KIAA1217: variants seen among roughly 807,000 people sequenced by gnomAD.
KIAA1217 encodes the protein sickle tail protein homolog.
In KIAA1217, 88 loss-of-function variants were observed where a neutral mutation model predicts 163.9. The observed-to-expected ratio is 0.54, with a 90% CI of 0.45 to 0.64. The LOEUF is 0.64. KIAA1217 is among the 30% of genes least tolerant of loss of function. The pLI is 0.00. For synonymous variants in KIAA1217, 903 were observed against 923.1 expected (o/e 0.98, Z 0.39); for missense variants, 2,372 against 2,475.0 (o/e 0.96, Z 0.88).
intron 2 of KIAA1217, among the ~76,000 whole-genome samples, chr10:24,157,316 C>T (rs1297984991): frequency 3.9e-5 from 6 of 152,018 alleles, no homozygotes; most frequent in Non-Finnish European, 8.8e-5. Flanking sequence ...CATAGAAATC[C>T]CTTGCATACT....
At chr10:24,152,476 CA>C (rs774232343) in intron 2 of KIAA1217, among the ~76,000 whole-genome samples, 12 of 152,114 alleles carry the variant, frequency 7.9e-5, no homozygotes, top group Non-Finnish European at 1.3e-4. Context: ...TAATGAATTA[CA>C]AAATATTCTT....
At chr10:24,111,573 A>C (rs943271739) in intron 2 of KIAA1217, among the ~76,000 whole-genome samples, 3 of 152,236 alleles carry the variant, frequency 2.0e-5, no homozygotes, top group African/African-American at 7.2e-5. Flanking sequence ...TGAAATATAA[A>C]AAGTCCTCAC....
Position 24,547,700 on chromosome 10 carries a change from T to C in KIAA1217, c.*1376T>C, listed in dbSNP as rs925889554. The C allele has an allele frequency of 6.6e-6, 1 of 152,188 alleles. No homozygotes were observed. Among genetic ancestry groups the C allele is most frequent in the African/African-American group, 2.4e-5 (1 of 41,434 alleles). 9.4% of individuals were successfully genotyped at this position (152,188 alleles called of 1,614,324 possible). ...TGTGGCCTGTTGGCTCGCTTTCTTCTCTGTGGCTTATCAAGGTGTAGATGA... is the reference window on the plus strand; with the variant it reads ...TGTGGCCTGTTGGCTCGCTTTCTTCCCTGTGGCTTATCAAGGTGTAGATGA... On this transcript the variant is annotated 3_prime_UTR_variant, in exon 21 of 21. Transcript: ENST00000376454.
intron 5 of KIAA1217, among the ~76,000 whole-genome samples, chr10:24,450,574 T>C (rs187187491): frequency 4.7e-4 from 72 of 152,376 alleles, no homozygotes; most frequent in African/African-American, 1.7e-3. Context: ...CAAAAGTACA[T>C]GTGTTCATGA....
intron 2 of KIAA1217, among the ~76,000 whole-genome samples, chr10:24,154,436 A>G (rs2131867487): frequency 6.6e-6 from 1 of 152,114 alleles, no homozygotes; most frequent in Non-Finnish European, 1.5e-5. Flanking sequence ...ACAAGAAAAT[A>G]AAAATAAAAA....
At chr10:23,975,170 G>A (rs7914759) in intron 1 of KIAA1217, among the ~76,000 whole-genome samples, 44,201 of 152,022 alleles carry the variant, frequency 0.29, 6,875 homozygotes, top group African/African-American at 0.41. Flanking sequence ...AAACACCATG[G>A]AAGTCACTGG....
chr10:24,199,448 T>C (rs2130513893), intron 2 of KIAA1217, among the ~76,000 whole-genome samples: 1 of 152,312 alleles, frequency 6.6e-6, no homozygotes, highest in East Asian at 1.9e-4. Context: ...AGACCCCACC[T>C]TTCCACATTG....
Position 24,209,373 on chromosome 10 carries a change from AAG to A in KIAA1217, c.70+111_70+112del. 4 of 798,142 alleles carry A rather than the reference AAG, an allele frequency of 5.0e-6. No individual in the cohort carries two copies. The African/African-American group carries it at 7.1e-5, about 14-fold the overall frequency. The allele number at this position is 798,142 out of a possible 1,614,324, so 49.4% of individuals were successfully genotyped here. ...GACCCGGCAAAGGAAAAAAAAAAAA[AAG>A]GCAATTTCTTGGGATGGTACATTTT... is the stretch of plus-strand genomic sequence containing the variant. On this transcript the variant is annotated intron_variant, in intron 1 of 20. Coordinates refer to ENST00000376454, the MANE Select transcript of KIAA1217 (RefSeq NM_019590.5).
At chr10:24,046,918 A>T (rs1849073756) in intron 2 of KIAA1217, among the ~76,000 whole-genome samples, 1 of 152,230 alleles carries the variant, frequency 6.6e-6, no homozygotes, top group Admixed American at 6.5e-5. Flanking sequence ...TAAGTTAATA[A>T]AATGAGTTAA....
chr10:24,089,785 A>G (rs955067672), intron 2 of KIAA1217, among the ~76,000 whole-genome samples: 1 of 151,906 alleles, frequency 6.6e-6, no homozygotes, highest in Admixed American at 6.5e-5. Context: ...GCTCAATGAA[A>G]TAAAAGAGGA....
intron 1 of KIAA1217, among the ~76,000 whole-genome samples, chr10:23,880,681 T>C (rs1277525273): frequency 2.6e-5 from 4 of 152,014 alleles, no homozygotes; most frequent in African/African-American, 9.7e-5. Flanking sequence ...TTATTATGCG[T>C]GGCATGCTTG....
At chr10:24,028,986 G>A (rs1848081048) in intron 2 of KIAA1217, among the ~76,000 whole-genome samples, 1 of 152,142 alleles carries the variant, frequency 6.6e-6, no homozygotes, top group Non-Finnish European at 1.5e-5. Context: ...GGGGTCTCCT[G>A]AGGACATAAA....
Position 24,088,599 on chromosome 10 carries a change from T to C in KIAA1217, c.-171+81225T>C, listed in dbSNP as rs1233507636. Among the ~76,000 whole-genome samples, 5 of 122,196 alleles carry C rather than the reference T, an allele frequency of 4.1e-5. 1 individual carries two copies. The highest frequency in any genetic ancestry group is 3.9e-4 in the East Asian group (2 of 5,118). 80.2% of individuals were successfully genotyped at this position (122,196 alleles called of 152,430 possible). On this transcript the variant is annotated intron_variant, in intron 2 of 18. Coordinates refer to the KIAA1217 transcript ENST00000376462. ...CTGAGAATGATGGTTTCCAGCTTCA[T>C]CCATGTCCCTACAAAGGACATGAAC...
intron 1 of KIAA1217, among the ~76,000 whole-genome samples, chr10:23,901,541 A>G (rs969897844): frequency 2.0e-5 from 3 of 152,072 alleles, no homozygotes; most frequent in African/African-American, 7.2e-5. Flanking sequence ...TCCAAAATTT[A>G]ATTGGTGACT....
chr10:23,745,835 T>C (rs1839378526), intron 1 of KIAA1217, among the ~76,000 whole-genome samples: 1 of 152,148 alleles, frequency 6.6e-6, no homozygotes, highest in South Asian at 2.1e-4. Flanking sequence ...TGGGTGCAAA[T>C]ACAATGAGCA....
chr10:24,496,287 T>C (rs2066770902), intron 8 of KIAA1217, among the ~76,000 whole-genome samples: 1 of 152,226 alleles, frequency 6.6e-6, no homozygotes, highest in East Asian at 1.9e-4. Context: ...TGCTTAGAAA[T>C]CAATCAGTGG....
At chr10:24,065,951 A>G (rs545760829) in intron 2 of KIAA1217, among the ~76,000 whole-genome samples, 7 of 152,152 alleles carry the variant, frequency 4.6e-5, no homozygotes, top group Non-Finnish European at 8.8e-5. Flanking sequence ...TTTATCAGAG[A>G]CTAGGATTGT....
intron 2 of KIAA1217, among the ~76,000 whole-genome samples, chr10:24,203,388 G>A (rs1387035287): frequency 6.6e-6 from 1 of 152,176 alleles, no homozygotes. Context: ...GGACCCTGGA[G>A]ACGAGAAAGA....
chr10:24,065,354 G>C (rs369699448), intron 2 of KIAA1217, among the ~76,000 whole-genome samples: 34 of 152,004 alleles, frequency 2.2e-4, no homozygotes, highest in East Asian at 2.1e-3. Context: ...CTTTGTTCTC[G>C]TTGGTTTCAA....
Sources: gnomAD v4.1 joint callset for allele counts (sites outside exome capture counted in the v4.1 genomes callset) on GRCh38, gnomAD v4.1.1 for gene constraint, MANE v1.5 for transcripts, NCBI Gene and HGNC (gene_info 2026-07-23, HGNC 2026-07-21) for gene names.